The following USP53 variants were observed in gnomAD, a reference collection of about 807,000 sequenced individuals.
The protein encoded by USP53 is ubiquitin specific peptidase 53, also known as ubiquitin carboxyl-terminal hydrolase 53.
Under a neutral mutation model 94.9 loss-of-function variants are expected in USP53, and 71 were observed. The ratio of observed to expected loss-of-function variants is 0.75; its 90% CI spans 0.62 to 0.91. USP53 has a LOEUF of 0.91. Ranked by LOEUF, USP53 falls within the 40% of genes least tolerant of loss-of-function variation. The pLI is 0.00. For synonymous variants in USP53, 375 were observed against 422.7 expected, an observed-to-expected ratio of 0.89 and a Z score of 1.39; for missense variants, 1,173 against 1,281.0, an observed-to-expected ratio of 0.92 and a Z score of 1.29.
intron 12 of USP53, among the ~76,000 whole-genome samples, chr4:119,263,582 T>C (rs1461138487): frequency 6.6e-6 from 1 of 152,096 alleles, no homozygotes; most frequent in African/African-American, 2.4e-5. Flanking sequence ...ATGGGAAGCA[T>C]CACTGGAAAA....
At chr4:119,259,222 G>A (rs768046323) in intron 9 of USP53, among the ~76,000 whole-genome samples, 30 of 151,114 alleles carry the variant, frequency 2.0e-4, no homozygotes, top group Non-Finnish European at 7.4e-5. Flanking sequence ...TGGAGGTTGC[G>A]GTGAGCCAAG....
intron 3 of USP53, among the ~76,000 whole-genome samples, chr4:119,234,808 CT>C (rs1243350645): frequency 1.3e-5 from 2 of 152,122 alleles, no homozygotes; most frequent in Non-Finnish European, 2.9e-5. Context: ...GTTCCAGGAC[CT>C]ACAACAGATA....
Position 119,293,213 on chromosome 4 carries a change from G to A in USP53, c.*2G>A. ...TTTTGTAATAATTCACTATCTTAGA[G>A]TGAAAAAGGACTAGACCTGTGTTAC... On this transcript the variant is annotated 3_prime_UTR_variant, in exon 19 of 19. Transcript: ENST00000692078. 2 of 1,581,470 alleles carry A rather than the reference G, an allele frequency of 1.3e-6. No individual in the cohort carries two copies. Among genetic ancestry groups the A allele is most frequent in the Non-Finnish European group, 1.7e-6 (2 of 1,171,594 alleles).
intron 17 of USP53, among the ~76,000 whole-genome samples, chr4:119,285,518 G>A (rs1754001111): frequency 6.6e-6 from 1 of 151,818 alleles, no homozygotes; most frequent in Non-Finnish European, 1.5e-5. Flanking sequence ...AGTGAAAGAA[G>A]TTAATCAGTG....
intron 18 of USP53, among the ~76,000 whole-genome samples, chr4:119,291,777 T>G (rs1754788210): frequency 6.6e-6 from 1 of 152,108 alleles, no homozygotes; most frequent in South Asian, 2.1e-4. Context: ...TCCTAGCTAC[T>G]GAGGAGGCTG....
chr4:119,251,213 G>C (rs1748956135), intron 7 of USP53, among the ~76,000 whole-genome samples: 1 of 152,110 alleles, frequency 6.6e-6, no homozygotes, highest in Admixed American at 6.5e-5. Flanking sequence ...CTTCATCCAT[G>C]TCACTGCAAA....
chr4:119,266,501 ATAT>A (rs1207291346), intron 12 of USP53, among the ~76,000 whole-genome samples: 1 of 152,058 alleles, frequency 6.6e-6, no homozygotes, highest in Non-Finnish European at 1.5e-5. Context: ...TGTATGTATA[ATAT>A]TATCTCACTG....
In USP53 at chr4:119,267,379, A is replaced by T; in HGVS notation, c.1032A>T (p.Leu344=). 3.7e-6 allele frequency: 6 copies of T among 1,614,024 alleles called. No homozygotes were observed. Among genetic ancestry groups the T allele is most frequent in the Non-Finnish European group, 5.1e-6 (6 of 1,179,982 alleles). The change falls in exon 13 of 19, where the codon CTA becomes CTT. Residue 344 remains leucine (L), a synonymous_variant. Coordinates refer to ENST00000692078, the MANE Select transcript of USP53 (RefSeq NM_001371395.1). The part of the protein sequence containing the change: ...SKCIRCHFQP[L]LLFYANPDGT... ...GCATTCGATGCCACTTTCAGCCACT[A>T]CTTTTGTTTTATGCAAACCCAGATG...
At chr4:119,222,292 G>A (rs1290104241) in intron 3 of USP53, among the ~76,000 whole-genome samples, 1 of 152,076 alleles carries the variant, frequency 6.6e-6, no homozygotes, top group African/African-American at 2.4e-5. Flanking sequence ...TTAAGCGTTT[G>A]TTTCTTTGAG....
chr4:119,291,676 T>G (rs993190620), intron 18 of USP53, among the ~76,000 whole-genome samples: 1 of 152,112 alleles, frequency 6.6e-6, no homozygotes, highest in African/African-American at 2.4e-5. Context: ...TACCCTCACC[T>G]TAGAAAATAA....
chr4:119,282,745 G>A (rs1380425623), intron 17 of USP53, among the ~76,000 whole-genome samples: 1 of 151,868 alleles, frequency 6.6e-6, no homozygotes, highest in Non-Finnish European at 1.5e-5. Context: ...AAAACTTGCT[G>A]TGCATGGTTT....
intron 3 of USP53, among the ~76,000 whole-genome samples, chr4:119,234,305 C>T (rs892521576): frequency 1.3e-5 from 2 of 152,322 alleles, no homozygotes; most frequent in African/African-American, 4.8e-5. Context: ...ATTTCCTTAA[C>T]ACTCTAGAAG....
intron 17 of USP53, among the ~76,000 whole-genome samples, chr4:119,274,492 T>A (rs1561319919): frequency 6.6e-6 from 1 of 152,062 alleles, no homozygotes; most frequent in Non-Finnish European, 1.5e-5. Flanking sequence ...TAATCCAGTC[T>A]ATCATTGTTG....
chr4:119,273,576 C>T lies in USP53; in HGVS notation c.2175-56C>T, dbSNP rs1219300117. Reference sequence around the variant, plus strand: ...TTAACAAATGTTGTTTTTTTTTAGACTAAACAAAGGCAGTCCATAATACCT... The same window carrying T: ...TTAACAAATGTTGTTTTTTTTTAGATTAAACAAAGGCAGTCCATAATACCT... On this transcript the variant is annotated intron_variant, in intron 16 of 18. Coordinates refer to ENST00000692078, the MANE Select transcript of USP53 (RefSeq NM_001371395.1). The T allele has an allele frequency of 3.0e-6, 4 of 1,325,786 alleles. No individual in the cohort carries two copies. In the African/African-American group the frequency reaches 4.5e-5, roughly 15 times the overall value. The allele number at this position is 1,325,786 out of a possible 1,614,324, so 82.1% of individuals were successfully genotyped here. A position where few individuals can be genotyped will look rare whatever the true frequency, so the allele number is the denominator to read the frequency against.
intron 17 of USP53, among the ~76,000 whole-genome samples, chr4:119,276,110 T>C (rs13130799): frequency 0.43 from 34,285 of 79,090 alleles, 9,093 homozygotes; most frequent in Middle Eastern, 0.52. Flanking sequence ...TGCCTAATTG[T>C]CCTGGCCAGA....
intron 13 of USP53, among the ~76,000 whole-genome samples, chr4:119,267,918 AAT>A (rs1246041773): frequency 6.6e-6 from 1 of 152,160 alleles, no homozygotes; most frequent in African/African-American, 2.4e-5. Context: ...CTGTAATCCC[AAT>A]GCTTTGGGAG....
Position 119,259,280 on chromosome 4 carries a change from CAAA to C in USP53, c.570-527_570-525del, listed in dbSNP as rs11348254. Among the ~76,000 whole-genome samples, 912 of 119,288 alleles carry C rather than the reference CAAA, an allele frequency of 7.6e-3. 11 individuals carry two copies. The highest frequency in any genetic ancestry group is 0.025 in the African/African-American group (787 of 31,816). 78.3% of individuals were successfully genotyped at this position (119,288 alleles called of 152,430 possible). ...TGGGCGATAGAGTGAGACCCCATCT[CAAA>C]AAAAAAAAAAAAGGGGGGGGAGTAA... On this transcript the variant is annotated intron_variant, in intron 9 of 18. Transcript: ENST00000692078.
At position 119,259,749 on chromosome 4, in the gene USP53, T is replaced by C. The variant is rs544279877; in HGVS notation, c.570-71T>C. 115 of 1,188,916 alleles carry C rather than the reference T, an allele frequency of 9.7e-5. 2 individuals carry two copies. In the South Asian group the frequency reaches 1.7e-3, roughly 17 times the overall value. 73.6% of individuals were successfully genotyped at this position (1,188,916 alleles called of 1,614,324 possible). On this transcript the variant is annotated intron_variant, in intron 9 of 18. Transcript: ENST00000692078. ...AAGTGATGCACATCTAAACTGACAA[T>C]ATTTTTCATGTGTAATTTATTAAAG...
At position 119,281,077 on chromosome 4, in the gene USP53, GTTCAA is replaced by G. The variant is rs1337956268; in HGVS notation, c.2251+7372_2251+7376del. 3.9e-5 allele frequency among the ~76,000 whole-genome samples: 6 copies of G among 152,316 alleles called. No homozygotes were observed. The East Asian group carries it at 1.2e-3, about 29-fold the overall frequency. ...GATTGATAAAGAGCCTTCTGGAAAAGTTCAATTTGGCACCAATAACTATGCAATGG... is the reference window on the plus strand; with the variant it reads ...GATTGATAAAGAGCCTTCTGGAAAAGTTTGGCACCAATAACTATGCAATGG... On this transcript the variant is annotated intron_variant, in intron 17 of 18. Coordinates refer to ENST00000692078, the MANE Select transcript of USP53 (RefSeq NM_001371395.1).
Sources: allele counts gnomAD v4.1 joint callset (sites outside exome capture counted in the v4.1 genomes callset), GRCh38; gene constraint gnomAD v4.1.1; transcripts MANE v1.5; gene names NCBI Gene and HGNC (gene_info 2026-07-23, HGNC 2026-07-21).